The following LRIG1 variants were observed in gnomAD, a reference collection of about 807,000 sequenced individuals.
LRIG1 encodes the protein leucine-rich repeats and immunoglobulin-like domains protein 1.
A neutral mutation model predicts 99.2 loss-of-function variants in LRIG1; 48 were observed. The observed-to-expected ratio is 0.48, with a 90% CI of 0.38 to 0.62. LRIG1 has a LOEUF of 0.62. LRIG1 is among the 20% of genes least tolerant of loss of function. The pLI is 0.00. For missense variants in LRIG1, 1,646 were observed against 1,434.4 expected, an observed-to-expected ratio of 1.15 and a Z score of -2.38; for synonymous variants, 772 against 596.1, an observed-to-expected ratio of 1.29 and a Z score of -4.30.
At chr3:66,499,418 G>GCCCCAC (rs1553728187) in intron 1 of LRIG1, among the ~76,000 whole-genome samples, 4 of 152,284 alleles carry the variant, frequency 2.6e-5, no homozygotes, top group Admixed American at 2.6e-4. Flanking sequence ...TTGAGGGTGG[G>GCCCCAC]CCCCACCCCA....
chr3:66,489,879 A>T (rs1559825759), intron 1 of LRIG1, among the ~76,000 whole-genome samples: 1 of 152,122 alleles, frequency 6.6e-6, no homozygotes, highest in African/African-American at 2.4e-5. Flanking sequence ...TCTCAGGTGA[A>T]TCATTTTTAT....
rs1455009634 is a variant in LRIG1, at chr3:66,472,372, C to T, written c.219-9863G>A. ...TGGTCACAGGAAAGATGCAAACTAA[C>T]AAGGAAAGCTTCTTCGACTGCCATG... On this transcript the variant is annotated intron_variant, in intron 1 of 18. Coordinates refer to ENST00000273261, the MANE Select transcript of LRIG1 (RefSeq NM_015541.3). Among the ~76,000 whole-genome samples, 20 of 128,694 alleles carry T rather than the reference C, an allele frequency of 1.6e-4. No homozygotes were observed. In the Admixed American group the frequency reaches 1.6e-3, roughly 11 times the overall value. 84.4% of individuals were successfully genotyped at this position (128,694 alleles called of 152,430 possible).
At position 66,379,169 on chromosome 3, in the gene LRIG1, A is replaced by G. The variant is rs1197876772; in HGVS notation, c.*1094T>C. 6.6e-6 allele frequency: 1 copy of G among 152,644 alleles called. No homozygotes were observed. The highest frequency in any genetic ancestry group is 2.4e-5 in the African/African-American group (1 of 41,454). The allele number at this position is 152,644 out of a possible 1,614,324, so 9.5% of individuals were successfully genotyped here. On this transcript the variant is annotated 3_prime_UTR_variant, in exon 19 of 19. Coordinates refer to ENST00000273261, the MANE Select transcript of LRIG1 (RefSeq NM_015541.3). ...TAAATGACACATTGGCACTCATAAG[A>G]TGGTTAGCTACCAGTCTCAAAAGTG... is the stretch of plus-strand genomic sequence containing the variant.
At chr3:66,493,714 T>C (rs1325114846) in intron 1 of LRIG1, among the ~76,000 whole-genome samples, 1 of 152,050 alleles carries the variant, frequency 6.6e-6, no homozygotes. Flanking sequence ...GAGGACTGCT[T>C]GAGCCCACGA....
rs74884970 is a variant in LRIG1, at chr3:66,403,998, G to A, written c.1160+1200C>T. Among the ~76,000 whole-genome samples the A allele has an allele frequency of 9.2e-3, 1,395 of 152,284 alleles. 18 individuals are homozygous for A. The highest frequency in any genetic ancestry group is 0.032 in the African/African-American group (1,329 of 41,546). On this transcript the variant is annotated intron_variant, in intron 9 of 18. Transcript: ENST00000273261. ...GTTTGCCCCGTATGGGATAAAAAGG[G>A]GTCACGTATGGGTTAAAGGCTGGGG...
intron 3 of LRIG1, among the ~76,000 whole-genome samples, chr3:66,425,594 G>A (rs1347278078): frequency 2.6e-5 from 4 of 152,188 alleles, no homozygotes; most frequent in African/African-American, 9.7e-5. Context: ...ATGGTGCAAG[G>A]CAAGAGGACA....
chr3:66,439,977 A>C (rs919891843), intron 3 of LRIG1, among the ~76,000 whole-genome samples: 1 of 152,140 alleles, frequency 6.6e-6, no homozygotes, highest in East Asian at 1.9e-4. Context: ...AATGAAGGCC[A>C]GCCTCAATAT....
At chr3:66,421,844 C>T (rs1295280361) in intron 3 of LRIG1, among the ~76,000 whole-genome samples, 1 of 152,274 alleles carries the variant, frequency 6.6e-6, no homozygotes, top group Non-Finnish European at 1.5e-5. Context: ...CTGCAGCAAA[C>T]TTCTACCTGG....
chr3:66,380,729 C>T lies in LRIG1; in HGVS notation c.2903G>A (p.Gly968Asp), dbSNP rs1559761906. Residue 968 changes from glycine to aspartate, a missense_variant, in exon 18 of 19, where the codon GGT (glycine) becomes GAT (aspartate). Gly to Asp is a moderately conservative substitution (Grantham distance 94, BLOSUM62 -1). Transcript: ENST00000273261. Reference sequence around the variant, plus strand: ...TGGAGAATGCTCTTGGTCACTCCCACCCGGCTCCGGGCCATTTGGCGCACT... The same window carrying T: ...TGGAGAATGCTCTTGGTCACTCCCATCCGGCTCCGGGCCATTTGGCGCACT... ...QPSAPNGPEPGGSDQEHSPHH... is the reference protein window; with the variant it reads ...QPSAPNGPEPDGSDQEHSPHH... 6.2e-7 allele frequency: 1 copy of T among 1,614,228 alleles called. No individual in the cohort carries two copies. Among genetic ancestry groups the T allele is most frequent in the Middle Eastern group, 1.6e-4 (1 of 6,062 alleles).
At chr3:66,431,673 C>T (rs1459683143) in intron 3 of LRIG1, among the ~76,000 whole-genome samples, 14 of 152,192 alleles carry the variant, frequency 9.2e-5, no homozygotes, top group African/African-American at 3.4e-4. Context: ...GTTTCTGTTC[C>T]TCTGACCTCA....
In LRIG1 at chr3:66,394,241, C is replaced by T. The variant is rs746356803; in HGVS notation, c.1305-38G>A. 5.3e-5 allele frequency: 81 copies of T among 1,523,488 alleles called. No individual in the cohort carries two copies. The Admixed American group carries it at 9.8e-4, about 18-fold the overall frequency. The allele number at this position is 1,523,488 out of a possible 1,614,324, so 94.4% of individuals were successfully genotyped here. Reference sequence around the variant, plus strand: ...CAACAGTGGATGCTTCAGGTGCAGCCGCAAAGGAGGGACACTCCCTTCACA... The same window carrying T: ...CAACAGTGGATGCTTCAGGTGCAGCTGCAAAGGAGGGACACTCCCTTCACA... On this transcript the variant is annotated intron_variant, in intron 11 of 18. Transcript: ENST00000273261.
intron 3 of LRIG1, among the ~76,000 whole-genome samples, chr3:66,436,623 C>A (rs1239326121): frequency 6.6e-6 from 1 of 152,086 alleles, no homozygotes; most frequent in Non-Finnish European, 1.5e-5. Context: ...CTGGTGCCAG[C>A]CTCCAAATGA....
At chr3:66,381,196 A>C (rs1701038407) in intron 17 of LRIG1, among the ~76,000 whole-genome samples, 1 of 152,196 alleles carries the variant, frequency 6.6e-6, no homozygotes, top group South Asian at 2.1e-4. Context: ...CCTGGTGAAA[A>C]AGTGCTGACT....
intron 3 of LRIG1, among the ~76,000 whole-genome samples, chr3:66,440,668 A>G (rs1703510163): frequency 6.6e-6 from 1 of 152,080 alleles, no homozygotes; most frequent in African/African-American, 2.4e-5. Context: ...CTTGCCCACA[A>G]CCCCAAAGGT....
rs189705820 is a variant in LRIG1, at chr3:66,495,094, G to A, written c.218+5096C>T. Among the ~76,000 whole-genome samples the A allele has an allele frequency of 1.3e-3, 204 of 152,282 alleles. 2 individuals are homozygous for A. Among genetic ancestry groups the A allele is most frequent in the Admixed American group, 2.8e-3 (43 of 15,294 alleles). The stretch of plus-strand genomic sequence containing the variant: ...TTCCACACTTTAACTTGAAACAAAA[G>A]CACAAGATAACCACATAACTGACAT... On this transcript the variant is annotated intron_variant, in intron 1 of 18. Transcript: ENST00000273261.
At chr3:66,420,049 A>G (rs1371899245) in intron 3 of LRIG1, among the ~76,000 whole-genome samples, 3 of 152,192 alleles carry the variant, frequency 2.0e-5, no homozygotes, top group South Asian at 2.1e-4. Context: ...TATGCAAATC[A>G]CATTTCTGAT....
chr3:66,450,360 T>C lies in LRIG1; in HGVS notation c.365+1199A>G, dbSNP rs183872300. 2.6e-5 allele frequency among the ~76,000 whole-genome samples: 4 copies of C among 152,240 alleles called. No homozygotes were observed. The East Asian group carries it at 7.7e-4, about 29-fold the overall frequency. On this transcript the variant is annotated intron_variant, in intron 3 of 18. Coordinates refer to ENST00000273261, the MANE Select transcript of LRIG1 (RefSeq NM_015541.3). ...AGAATGCTGGGAGCTTCATATACAT[T>C]CCACTCCCCCGGGCCTCACTTTCCT... is the stretch of plus-strand genomic sequence containing the variant.
chr3:66,414,307 G>C (rs1702555091), intron 5 of LRIG1, among the ~76,000 whole-genome samples: 1 of 152,064 alleles, frequency 6.6e-6, no homozygotes, highest in African/African-American at 2.4e-5. Context: ...TGAGGCAGGA[G>C]AATGGTGTGA....
In LRIG1 at chr3:66,381,574, C is replaced by T. The variant is rs1335863375; in HGVS notation, c.2675G>A (p.Cys892Tyr). 11 of 1,614,024 alleles carry T rather than the reference C, an allele frequency of 6.8e-6. No homozygotes were observed. The highest frequency in any genetic ancestry group is 8.5e-6 in the Non-Finnish European group (10 of 1,179,992). The change falls in exon 17 of 19, where the codon TGC (cysteine) becomes TAC (tyrosine). Residue 892 changes from cysteine to tyrosine, a missense_variant. Physicochemically the swap from Cys to Tyr is radical, Grantham distance 194. Transcript: ENST00000273261. ...FPEPDTHSVA[C>Y]RQPKLCAGSA... ...CCCAGCACAGAGCTTTGGCTGCCTG[C>T]AGGCAACGCTGTGAGTGTCGGGCTC...
Sources: allele counts gnomAD v4.1 joint callset (sites outside exome capture counted in the v4.1 genomes callset), GRCh38; gene constraint gnomAD v4.1.1; transcripts MANE v1.5; gene names NCBI Gene and HGNC (gene_info 2026-07-23, HGNC 2026-07-21).